Variants in RMP24 observed in about 807,000 individuals in gnomAD.
RMP24 encodes ribonuclease MRP protein subunit p24.
the RMP24 span, among the ~76,000 whole-genome samples, chr18:35,974,739 C>G: frequency 1.3e-5 from 2 of 152,174 alleles, no homozygotes; most frequent in Non-Finnish European, 2.9e-5. Flanking sequence ...AGGTAAATTA[C>G]TGCCAATTTA....
the RMP24 span, chr18:35,977,630 C>T: frequency 1.9e-6 from 3 of 1,590,910 alleles, no homozygotes; most frequent in Non-Finnish European, 2.6e-6. Flanking sequence ...TTTTGAATTG[C>T]CAGTGTTAAG....
chr18:35,979,041 G>T, the RMP24 span: 1 of 1,526,762 alleles, frequency 6.5e-7, no homozygotes, highest in South Asian at 1.3e-5. Flanking sequence ...ACTAAAGTTG[G>T]TAAAACAACT....
At chr18:35,977,585 C>G in the RMP24 span, 1 of 1,611,542 alleles carries the variant, frequency 6.2e-7, no homozygotes, top group Non-Finnish European at 8.5e-7. Flanking sequence ...GGCAAGAGCC[C>G]AGCATCGGTT....
the RMP24 span, among the ~76,000 whole-genome samples, chr18:35,976,888 T>G: frequency 1.3e-5 from 2 of 152,240 alleles, no homozygotes; most frequent in Non-Finnish European, 2.9e-5. Flanking sequence ...TATTTTAAAT[T>G]AAATACAAAT....
At chr18:35,972,803 C>G in the RMP24 span, 2 of 1,614,162 alleles carry the variant, frequency 1.2e-6, no homozygotes, top group Non-Finnish European at 1.7e-6. Context: ...CCCGCTACCT[C>G]CTGTAAGAGG....
chr18:35,972,705 G>A, the RMP24 span: 1 of 1,596,932 alleles, frequency 6.3e-7, no homozygotes. Flanking sequence ...TTCCCGCGGC[G>A]AGCCAGCGGC....
At chr18:35,973,642 C>T in the RMP24 span, 1 of 152,288 alleles carries the variant, frequency 6.6e-6, no homozygotes. Context: ...CAAAATCAGC[C>T]AGGAGCGGTG....
the RMP24 span, chr18:35,972,884 G>A: frequency 1.2e-6 from 2 of 1,614,166 alleles, no homozygotes; most frequent in Non-Finnish European, 1.7e-6. Flanking sequence ...CTCTTTTACA[G>A]CTGGGCCTAC....
At chr18:35,972,715 C>A in the RMP24 span, 1 of 1,601,722 alleles carries the variant, frequency 6.2e-7, no homozygotes, top group Non-Finnish European at 8.5e-7. Context: ...GAGCCAGCGG[C>A]AGCGGCGGCG....
At chr18:35,975,023 A>G in the RMP24 span, 1 of 1,614,176 alleles carries the variant, frequency 6.2e-7, no homozygotes, top group Non-Finnish European at 8.5e-7. Flanking sequence ...TTAATCGAGA[A>G]GCGAGAAACT....
the RMP24 span, among the ~76,000 whole-genome samples, chr18:35,976,172 C>T: frequency 9.8e-5 from 9 of 91,740 alleles, no homozygotes; most frequent in South Asian, 4.0e-4. Context: ...TTTTTTGAGA[C>T]GGAGTCTCCC....
At chr18:35,977,539 A>T in the RMP24 span, 1 of 1,614,210 alleles carries the variant, frequency 6.2e-7, no homozygotes, top group Non-Finnish European at 8.5e-7. Flanking sequence ...AGAGAGAAGG[A>T]CTGCAAACCC....
the RMP24 span, chr18:35,977,597 T>C: frequency 6.2e-7 from 1 of 1,609,518 alleles, no homozygotes; most frequent in African/African-American, 1.3e-5. Flanking sequence ...GCATCGGTTT[T>C]CAGGTATCTT....
chr18:35,973,032 G>C, the RMP24 span: 1 of 1,288,386 alleles, frequency 7.8e-7, no homozygotes, highest in Admixed American at 2.0e-5. Context: ...AACAAAGCCC[G>C]CATGTGTCTC....
At chr18:35,977,532 G>C in the RMP24 span, 3 of 1,614,176 alleles carry the variant, frequency 1.9e-6, no homozygotes, top group Non-Finnish European at 1.7e-6. Context: ...AGACACCAGA[G>C]AGAAGGACTG....
chr18:35,974,221 C>A, the RMP24 span, among the ~76,000 whole-genome samples: 1 of 152,170 alleles, frequency 6.6e-6, no homozygotes, highest in African/African-American at 2.4e-5. Flanking sequence ...ACAGTAACTC[C>A]ATCAATACTT....
At chr18:35,976,144 T>TA in the RMP24 span, among the ~76,000 whole-genome samples, 1 of 102,246 alleles carries the variant, frequency 9.8e-6, no homozygotes, top group East Asian at 2.2e-4. Flanking sequence ...TCTGATTTTT[T>TA]TTTTTTTTTT....
chr18:35,972,740 G>A, the RMP24 span: 27 of 1,611,918 alleles, frequency 1.7e-5, no homozygotes, highest in African/African-American at 2.7e-5. Context: ...TGAGACAGAA[G>A]CACTACCTTG....
At chr18:35,977,486 G>A in the RMP24 span, 26 of 1,613,994 alleles carry the variant, frequency 1.6e-5, 2 homozygotes, top group South Asian at 2.9e-4. Flanking sequence ...ACATTGAAGA[G>A]CAATCCTGCC....
Sources: gnomAD v4.1 joint callset for allele counts (sites outside exome capture counted in the v4.1 genomes callset) on GRCh38, gnomAD v4.1.1 for gene constraint, MANE v1.5 for transcripts, NCBI Gene and HGNC (gene_info 2026-07-23, HGNC 2026-07-21) for gene names.